The following LYPLAL1 variants were observed in gnomAD, a reference collection of about 807,000 sequenced individuals.
LYPLAL1 encodes lysophospholipase like 1.
A neutral mutation model predicts 19.7 loss-of-function variants in LYPLAL1; 23 were observed. The ratio of observed to expected loss-of-function variants is 1.17; its 90% CI spans 0.84 to 1.65. The LOEUF (loss-of-function observed/expected upper bound fraction) is 1.65, where lower values mean the gene tolerates loss of function less well. LYPLAL1 is among the 40% of genes most tolerant of loss of function. The pLI is 0.00. For synonymous variants in LYPLAL1, 119 were observed against 96.3 expected (o/e 1.24, Z -1.38); for missense variants, 355 against 279.4 (o/e 1.27, Z -1.93).
chr1:219,296,637 TTTTTTA>T, the LYPLAL1 span, among the ~76,000 whole-genome samples: 2 of 152,184 alleles, frequency 1.3e-5, no homozygotes, highest in African/African-American at 4.8e-5. Flanking sequence ...TATGAGTCAC[TTTTTTA>T]AGGTCTTGCT....
the LYPLAL1 span, among the ~76,000 whole-genome samples, chr1:219,362,100 A>G: frequency 1.3e-5 from 2 of 152,242 alleles, no homozygotes; most frequent in East Asian, 1.9e-4. Context: ...GGACTCCAAG[A>G]ACTTTTACTA....
At chr1:219,218,053 AG>A in the LYPLAL1 span, among the ~76,000 whole-genome samples, 1 of 151,988 alleles carries the variant, frequency 6.6e-6, no homozygotes, top group Non-Finnish European at 1.5e-5. Flanking sequence ...CTTAAAGAGA[AG>A]TAAAATGTTT....
At chr1:219,405,109 G>A in the LYPLAL1 span, among the ~76,000 whole-genome samples, 22 of 152,146 alleles carry the variant, frequency 1.4e-4, no homozygotes, top group African/African-American at 2.7e-4. Context: ...TGTGGGGGAG[G>A]AAAAGAGGAT....
intron 1 of LYPLAL1, among the ~76,000 whole-genome samples, chr1:219,178,248 A>AT (rs2125020505): frequency 6.6e-6 from 1 of 152,296 alleles, no homozygotes; most frequent in South Asian, 2.1e-4. Context: ...CAAGTGTCTC[A>AT]TTTTTGAAGC....
the LYPLAL1 span, among the ~76,000 whole-genome samples, chr1:219,373,195 G>A: frequency 1.3e-5 from 2 of 152,184 alleles, no homozygotes; most frequent in African/African-American, 4.8e-5. Flanking sequence ...ATGAAAGCAG[G>A]GGATGTGCAG....
chr1:219,433,886 A>G, the LYPLAL1 span, among the ~76,000 whole-genome samples: 2 of 152,350 alleles, frequency 1.3e-5, no homozygotes, highest in South Asian at 2.1e-4. Context: ...TGTCGAATGA[A>G]TGCACTTGGT....
the LYPLAL1 span, among the ~76,000 whole-genome samples, chr1:219,382,764 A>C: frequency 1.3e-5 from 2 of 152,222 alleles, no homozygotes; most frequent in African/African-American, 4.8e-5. Context: ...ACCACATAAA[A>C]ATTAAATTTC....
the LYPLAL1 span, among the ~76,000 whole-genome samples, chr1:219,320,200 T>G: frequency 1.3e-5 from 2 of 152,186 alleles, no homozygotes; most frequent in African/African-American, 4.8e-5. Context: ...TCTCAGCTAA[T>G]TTTGCTCTTT....
At chr1:219,177,553 C>G (rs948461160) in intron 1 of LYPLAL1, among the ~76,000 whole-genome samples, 20 of 152,156 alleles carry the variant, frequency 1.3e-4, no homozygotes, top group Admixed American at 1.2e-3. Flanking sequence ...TGTTTCCTGT[C>G]TAGGCAGGTG....
At position 219,210,358 on chromosome 1, in the gene LYPLAL1, G is replaced by C. The variant is rs1658911721; in HGVS notation, c.362-174G>C. ...TACCAGTGGTGACATAGAGGGAACA[G>C]GGTTATTTATGTTATCGCAGGCCTT... On this transcript the variant is annotated intron_variant, in intron 3 of 4. Coordinates refer to ENST00000366928, the MANE Select transcript of LYPLAL1 (RefSeq NM_138794.5). 1.8e-5 allele frequency: 8 copies of C among 444,584 alleles called. No individual in the cohort carries two copies. In the South Asian group the frequency reaches 3.1e-4, roughly 17 times the overall value. The allele number at this position is 444,584 out of a possible 1,614,324, so 27.5% of individuals were successfully genotyped here. A position where few individuals can be genotyped will look rare whatever the true frequency, so the allele number is the denominator to read the frequency against.
the LYPLAL1 span, among the ~76,000 whole-genome samples, chr1:219,379,957 C>T: frequency 6.6e-6 from 1 of 152,278 alleles, no homozygotes; most frequent in South Asian, 2.1e-4. Flanking sequence ...AGGAAGGAGG[C>T]CCAAAAGGCA....
the LYPLAL1 span, among the ~76,000 whole-genome samples, chr1:219,391,948 T>C: frequency 1.3e-5 from 2 of 152,318 alleles, no homozygotes; most frequent in East Asian, 3.9e-4. Flanking sequence ...ATGTTCCCCA[T>C]TCAAGCCTCT....
In LYPLAL1 at chr1:219,211,949, G is replaced by A. The variant is rs2125121461; in HGVS notation, c.*221G>A. 1 of 365,132 alleles carries A rather than the reference G, an allele frequency of 2.7e-6. No homozygotes were observed. The highest frequency in any genetic ancestry group is 4.3e-5 in the East Asian group (1 of 23,400). The allele number at this position is 365,132 out of a possible 1,614,324, so 22.6% of individuals were successfully genotyped here. A position where few individuals can be genotyped will look rare whatever the true frequency, so the allele number is the denominator to read the frequency against. On this transcript the variant is annotated 3_prime_UTR_variant, in exon 5 of 5. Transcript: ENST00000366928. ...TCAGACACAATTCTGTAAATATTTG[G>A]AAACCTTTTAAGTATTTAAACTTTT...
At chr1:219,393,257 T>C in the LYPLAL1 span, among the ~76,000 whole-genome samples, 1 of 152,178 alleles carries the variant, frequency 6.6e-6, no homozygotes, top group African/African-American at 2.4e-5. Flanking sequence ...GGCCACCAGG[T>C]GCAAGGCAGA....
chr1:219,432,416 C>G, the LYPLAL1 span, among the ~76,000 whole-genome samples: 1 of 149,830 alleles, frequency 6.7e-6, no homozygotes, highest in African/African-American at 2.5e-5. Context: ...GGGAAAACAT[C>G]TTTGAATAGG....
chr1:219,349,453 T>C, the LYPLAL1 span, among the ~76,000 whole-genome samples: 4 of 152,270 alleles, frequency 2.6e-5, no homozygotes, highest in African/African-American at 7.2e-5. Context: ...TAATGAAGCA[T>C]AATTTGAAGC....
At chr1:219,311,465 A>G in the LYPLAL1 span, among the ~76,000 whole-genome samples, 1 of 151,944 alleles carries the variant, frequency 6.6e-6, no homozygotes, top group Non-Finnish European at 1.5e-5. Context: ...TATTCCCCCC[A>G]TACCAACACC....
At chr1:219,284,051 TAGTG>T in the LYPLAL1 span, among the ~76,000 whole-genome samples, 84 of 152,166 alleles carry the variant, frequency 5.5e-4, 3 homozygotes, top group Non-Finnish European at 5.9e-5. Flanking sequence ...ATGTGCATGA[TAGTG>T]AGTAAGTTCT....
the LYPLAL1 span, among the ~76,000 whole-genome samples, chr1:219,261,918 C>T: frequency 6.6e-6 from 1 of 152,276 alleles, no homozygotes; most frequent in African/African-American, 2.4e-5. Context: ...GGAATGTTTG[C>T]TTGATTATTC....
Sources: gnomAD v4.1 joint callset for allele counts (sites outside exome capture counted in the v4.1 genomes callset) on GRCh38, gnomAD v4.1.1 for gene constraint, MANE v1.5 for transcripts, NCBI Gene and HGNC (gene_info 2026-07-23, HGNC 2026-07-21) for gene names.